The following AHCYL2 variants were observed in gnomAD, a reference collection of about 807,000 sequenced individuals.
The protein encoded by AHCYL2 is S-adenosylhomocysteine hydrolase-like protein 2.
Under a neutral mutation model 81.4 loss-of-function variants are expected in AHCYL2, and 28 were observed. The observed-to-expected ratio is 0.34, with a 90% confidence interval of 0.25 to 0.47. The LOEUF (loss-of-function observed/expected upper bound fraction) is 0.47. Ranked by LOEUF, AHCYL2 falls within the 20% of genes least tolerant of loss-of-function variation. The pLI is 1.00. For missense variants in AHCYL2, 551 were observed against 785.1 expected (o/e 0.70, Z 3.56); for synonymous variants, 272 against 290.2 (o/e 0.94, Z 0.64).
intron 1 of AHCYL2, among the ~76,000 whole-genome samples, chr7:129,359,613 C>G (rs759778797): frequency 1.9e-4 from 29 of 152,190 alleles, no homozygotes; most frequent in Non-Finnish European, 3.8e-4. Flanking sequence ...AGTGATAAAA[C>G]TGAGGGCCCT....
chr7:129,272,242 T>C (rs1796045691), intron 1 of AHCYL2, among the ~76,000 whole-genome samples: 1 of 152,158 alleles, frequency 6.6e-6, no homozygotes, highest in Admixed American at 6.6e-5. Context: ...GGGCATCATA[T>C]GGAGAAAAGC....
chr7:129,425,364 C>A (rs745891130), intron 15 of AHCYL2, among the ~76,000 whole-genome samples: 10 of 151,924 alleles, frequency 6.6e-5, no homozygotes, highest in Non-Finnish European at 8.8e-5. Flanking sequence ...TTTATTTTAC[C>A]TGCCTGTGAA....
chr7:129,322,314 A>G (rs1798066080), intron 1 of AHCYL2, among the ~76,000 whole-genome samples: 2 of 150,308 alleles, frequency 1.3e-5, no homozygotes. Context: ...TAATTTTTGT[A>G]TTTTTAGTAG....
chr7:129,289,247 G>C (rs936388017), intron 1 of AHCYL2, among the ~76,000 whole-genome samples: 1 of 152,158 alleles, frequency 6.6e-6, no homozygotes, highest in African/African-American at 2.4e-5. Flanking sequence ...GTGCCACAAT[G>C]CCTAGCTAAT....
At chr7:129,386,784 C>T (rs754400274) in intron 2 of AHCYL2, among the ~76,000 whole-genome samples, 65 of 152,286 alleles carry the variant, frequency 4.3e-4, no homozygotes, top group Admixed American at 1.0e-3. Context: ...CCAGTCTCAA[C>T]CTCTCAAATC....
intron 11 of AHCYL2, among the ~76,000 whole-genome samples, chr7:129,410,668 A>G (rs1796525532): frequency 6.6e-6 from 1 of 152,234 alleles, no homozygotes; most frequent in Non-Finnish European, 1.5e-5. Context: ...ATAGTTAGAG[A>G]AAGTAGACGA....
intron 1 of AHCYL2, chr7:129,375,529 C>A (rs779701007): frequency 1.2e-5 from 10 of 846,090 alleles, no homozygotes; most frequent in Admixed American, 4.7e-5. Context: ...TATTGTTATG[C>A]GCATGCAAGT....
At chr7:129,242,315 C>T (rs1445559708) in intron 1 of AHCYL2, among the ~76,000 whole-genome samples, 1 of 151,876 alleles carries the variant, frequency 6.6e-6, no homozygotes. Flanking sequence ...CAGGCAGGAG[C>T]CACCAAGCCT....
intron 1 of AHCYL2, among the ~76,000 whole-genome samples, chr7:129,327,872 C>T (rs13236035): frequency 6.6e-6 from 1 of 152,160 alleles, no homozygotes; most frequent in African/African-American, 2.4e-5. Flanking sequence ...TTACTCACTG[C>T]AGCCTCAAAC....
intron 4 of AHCYL2, 59 bp downstream of exon 4, chr7:129,389,793 G>A (rs916897428): frequency 7.8e-5 from 111 of 1,431,504 alleles, no homozygotes; most frequent in Non-Finnish European, 1.0e-4. Flanking sequence ...ACGAGCTACT[G>A]AAAGCTTACA....
chr7:129,415,649 A>G (rs556886884), intron 12 of AHCYL2, among the ~76,000 whole-genome samples: 34 of 150,906 alleles, frequency 2.3e-4, no homozygotes, highest in African/African-American at 7.8e-4. Flanking sequence ...AAAAAAAAAG[A>G]AAAAGAATAT....
intron 1 of AHCYL2, among the ~76,000 whole-genome samples, chr7:129,248,328 G>A (rs770893063): frequency 3.3e-5 from 5 of 152,114 alleles, no homozygotes; most frequent in Non-Finnish European, 5.9e-5. Context: ...TGGGATGCTC[G>A]AGTCCCTTAT....
chr7:129,424,661 C>A, intron 13 of AHCYL2: 1 of 594,244 alleles, frequency 1.7e-6, no homozygotes, highest in Non-Finnish European at 3.0e-6. Flanking sequence ...TTCCAGAAAT[C>A]TTTTAGCTAT....
intron 1 of AHCYL2, among the ~76,000 whole-genome samples, chr7:129,312,692 T>A (rs1269199282): frequency 6.6e-6 from 1 of 152,166 alleles, no homozygotes; most frequent in African/African-American, 2.4e-5. Flanking sequence ...TTTGAAAAAA[T>A]TGAGGTGTAA....
At chr7:129,267,645 T>C (rs535816537) in intron 1 of AHCYL2, among the ~76,000 whole-genome samples, 22 of 152,186 alleles carry the variant, frequency 1.4e-4, no homozygotes, top group African/African-American at 4.8e-4. Context: ...CAATAGTATA[T>C]TGAAGGTGGA....
chr7:129,318,037 A>G (rs1478819659), intron 1 of AHCYL2, among the ~76,000 whole-genome samples: 1 of 152,108 alleles, frequency 6.6e-6, no homozygotes, highest in Non-Finnish European at 1.5e-5. Context: ...TTATTTTCTA[A>G]TGGCTCTTTT....
chr7:129,262,849 A>G (rs1482663695), intron 1 of AHCYL2, among the ~76,000 whole-genome samples: 1 of 152,226 alleles, frequency 6.6e-6, no homozygotes, highest in East Asian at 1.9e-4. Flanking sequence ...TTTATGAAGA[A>G]TAGCATATAA....
chr7:129,309,325 G>A (rs1388991513), intron 1 of AHCYL2, among the ~76,000 whole-genome samples: 1 of 152,082 alleles, frequency 6.6e-6, no homozygotes, highest in East Asian at 1.9e-4. Flanking sequence ...GATCACTTGA[G>A]GCTAAGAGTT....
chr7:129,242,469 G>C (rs992582219), intron 1 of AHCYL2, among the ~76,000 whole-genome samples: 1 of 152,100 alleles, frequency 6.6e-6, no homozygotes. Context: ...TATAATCCCA[G>C]CACTTTGGGA....
Sources: gnomAD v4.1 joint callset for allele counts (sites outside exome capture counted in the v4.1 genomes callset) on GRCh38, gnomAD v4.1.1 for gene constraint, MANE v1.5 for transcripts, NCBI Gene and HGNC (gene_info 2026-07-23, HGNC 2026-07-21) for gene names.